The following OSBPL5 variants were observed in gnomAD, a reference collection of about 807,000 sequenced individuals.
OSBPL5 encodes oxysterol binding protein like 5.
OSBPL5 carries 71 observed loss-of-function variants against 111.2 expected under a neutral mutation model. The ratio of observed to expected loss-of-function variants is 0.64; its 90% confidence interval spans 0.53 to 0.78. The LOEUF (loss-of-function observed/expected upper bound fraction) is 0.78. Among genes scored for constraint, OSBPL5 ranks in the 30% least tolerant of loss-of-function variants. The pLI, the probability that OSBPL5 is intolerant of heterozygous loss-of-function variation, is 0.00. For missense variants in OSBPL5, 1,210 were observed against 1,189.3 expected, an observed-to-expected ratio of 1.02 and a Z score of -0.26; for synonymous variants, 549 against 513.9, an observed-to-expected ratio of 1.07 and a Z score of -0.93.
chr11:3,118,253 C>G (rs542389196), intron 7 of OSBPL5, among the ~76,000 whole-genome samples: 288 of 152,348 alleles, frequency 1.9e-3, no homozygotes, highest in South Asian at 3.9e-3. Flanking sequence ...ACCTGCCCCC[C>G]CATTCTATTC....
At chr11:3,152,539 C>T (rs952967684) in intron 1 of OSBPL5, among the ~76,000 whole-genome samples, 1 of 152,150 alleles carries the variant, frequency 6.6e-6, no homozygotes, top group Admixed American at 6.5e-5. Context: ...CACCAGGTCC[C>T]CTTCCAGGGA....
chr11:3,127,457 A>AG lies in OSBPL5; in HGVS notation c.137-903dup, dbSNP rs555915653. Among the ~76,000 whole-genome samples the AG allele has an allele frequency of 2.6e-5, 4 of 152,234 alleles. No homozygotes were observed. The South Asian group carries it at 8.3e-4, about 32-fold the overall frequency. On this transcript the variant is annotated intron_variant, in intron 2 of 21. Transcript: ENST00000263650. ...GATGGGGACGAAGAACGGAAAAGCC[A>AG]GGACGGTGGCCTGAGGAAGTGGTTC...
At chr11:3,135,060 C>G (rs1023016300) in intron 1 of OSBPL5, among the ~76,000 whole-genome samples, 1 of 152,238 alleles carries the variant, frequency 6.6e-6, no homozygotes, top group Non-Finnish European at 1.5e-5. Context: ...CCTTCTTCCT[C>G]GGAGACCCAG....
chr11:3,106,710 G>T lies in OSBPL5; in HGVS notation c.1059+553C>A, dbSNP rs956626852. On this transcript the variant is annotated intron_variant, in intron 9 of 21. Transcript: ENST00000263650. This position sits in a 1 kb window ranked among gnomAD's most constrained non-coding sequence, Gnocchi z 8.4. The stretch of plus-strand genomic sequence containing the variant: ...CGTCTTCAGAAAGAGCCCATGGCCC[G>T]GTTTGCCTCCCTCACCTGCTCCCCA... Among the ~76,000 whole-genome samples, 3 of 152,156 alleles carry T rather than the reference G, an allele frequency of 2.0e-5. No homozygotes were observed. Among genetic ancestry groups the T allele is most frequent in the Admixed American group, 6.5e-5 (1 of 15,284 alleles).
chr11:3,093,871 G>C (rs200672096), intron 15 of OSBPL5, 36 bp from the exon 16 acceptor site: 10 of 1,586,584 alleles, frequency 6.3e-6, no homozygotes, highest in East Asian at 2.3e-5. Context: ...CCCAGTGAGC[G>C]GGGGCTGGGG....
chr11:3,112,013 G>A (rs1442307355), intron 7 of OSBPL5, among the ~76,000 whole-genome samples: 11 of 100,792 alleles, frequency 1.1e-4, no homozygotes, highest in East Asian at 2.7e-4. Context: ...GTGTGTGCGC[G>A]CATGTGTGTG....
intron 14 of OSBPL5, among the ~76,000 whole-genome samples, chr11:3,096,202 T>C (rs2134393172): frequency 6.6e-6 from 1 of 152,260 alleles, no homozygotes; most frequent in East Asian, 1.9e-4. Flanking sequence ...CTGTCACGTG[T>C]GTGGGGGATC....
Position 3,107,640 on chromosome 11 carries a change from G to A in OSBPL5, c.866+131C>T. The A allele has an allele frequency of 7.2e-7, 1 of 1,390,642 alleles. No individual in the cohort carries two copies. The highest frequency in any genetic ancestry group is 9.9e-7 in the Non-Finnish European group (1 of 1,012,774). 86.1% of individuals were successfully genotyped at this position (1,390,642 alleles called of 1,614,324 possible). Reference sequence around the variant, plus strand: ...GGAACCGAGGCTCCCAGGGCACACTGCAGCGAACAAGTCCCTGCGTGCAGC... The same window carrying A: ...GGAACCGAGGCTCCCAGGGCACACTACAGCGAACAAGTCCCTGCGTGCAGC... On this transcript the variant is annotated intron_variant, in intron 8 of 21. Coordinates refer to ENST00000263650, the MANE Select transcript of OSBPL5 (RefSeq NM_020896.4). The surrounding 1 kb of genome is among the most constrained non-coding windows in gnomAD (Gnocchi z 6.1).
At position 3,088,330 on chromosome 11, in the gene OSBPL5, T is replaced by G. The variant is rs376075340; in HGVS notation, c.2515A>C (p.Met839Leu). The G allele has an allele frequency of 2.5e-6, 4 of 1,584,000 alleles. No individual in the cohort carries two copies. The South Asian group carries it at 4.6e-5, about 18-fold the overall frequency. ...GCTGCCCGTGCCGTGGAGCTCAGCA[T>G]GGCCGAGAGGTGCCTGCAAGGACAG... ...QQELHRHLSA[M>L]LSSTARAAQA... The change falls in exon 22 of 22, where the codon ATG becomes CTG. Residue 839 changes from methionine to leucine, a missense_variant. Physicochemically the swap from Met to Leu is conservative, Grantham distance 15. Transcript: ENST00000263650.
At chr11:3,147,775 C>G (rs1276533934) in intron 1 of OSBPL5, among the ~76,000 whole-genome samples, 1 of 152,192 alleles carries the variant, frequency 6.6e-6, no homozygotes, top group Non-Finnish European at 1.5e-5. Flanking sequence ...TGGCCCTAGA[C>G]AGGGCACAGG....
intron 1 of OSBPL5, among the ~76,000 whole-genome samples, chr11:3,160,269 C>A (rs553739740): frequency 9.2e-5 from 14 of 152,308 alleles, no homozygotes; most frequent in South Asian, 2.1e-4. Flanking sequence ...AAAGTGCTCC[C>A]CTCCCGCCCA....
intron 1 of OSBPL5, among the ~76,000 whole-genome samples, chr11:3,152,283 G>A (rs940109451): frequency 1.3e-5 from 2 of 152,192 alleles, no homozygotes; most frequent in Non-Finnish European, 2.9e-5. Context: ...CACAGGTGAC[G>A]TTGATTTTTT....
At chr11:3,088,571 A>G (rs1856953428) in intron 21 of OSBPL5, among the ~76,000 whole-genome samples, 1 of 152,132 alleles carries the variant, frequency 6.6e-6, no homozygotes, top group African/African-American at 2.4e-5. Flanking sequence ...CATTCAGGGC[A>G]GAGGAGGGTC....
rs573939820 is a variant in OSBPL5 at position 3,119,737 on chromosome 11, C to T, written c.607-106G>A. ...ATCCACACCTGGGACCACCTGGACA[C>T]CCCCAGGGCCACAGGGCCACCAGGT... On this transcript the variant is annotated intron_variant, in intron 6 of 21. Coordinates refer to ENST00000263650, the MANE Select transcript of OSBPL5 (RefSeq NM_020896.4). 6.3e-5 allele frequency: 69 copies of T among 1,099,148 alleles called. No homozygotes were observed. The Admixed American group carries it at 6.9e-4, about 11-fold the overall frequency. The allele number at this position is 1,099,148 out of a possible 1,614,324, so 68.1% of individuals were successfully genotyped here.
At chr11:3,102,364 G>A in intron 11 of OSBPL5, 83 bp from the exon 12 acceptor site, 1 of 1,334,874 alleles carries the variant, frequency 7.5e-7, no homozygotes, top group Admixed American at 2.0e-5. Flanking sequence ...TGGACGGAGG[G>A]GCAGCGTGGG....
chr11:3,121,215 G>A lies in OSBPL5; in HGVS notation c.403-591C>T. On this transcript the variant is annotated intron_variant, in intron 5 of 21. Transcript: ENST00000263650. The surrounding 1 kb of genome is among the most constrained non-coding windows in gnomAD (Gnocchi z 4.3). ...TGGGATTACAGGCGCCCGCCACCAT[G>A]CCTGGCTAATTTCTGTATTTTTAGT... Among the ~76,000 whole-genome samples, 1 of 151,982 alleles carries A rather than the reference G, an allele frequency of 6.6e-6. No individual in the cohort carries two copies. Among genetic ancestry groups the A allele is most frequent in the Non-Finnish European group, 1.5e-5 (1 of 68,000 alleles).
intron 1 of OSBPL5, chr11:3,160,876 G>A (rs1846946984): frequency 6.6e-6 from 1 of 152,208 alleles, no homozygotes; most frequent in African/African-American, 2.4e-5. Context: ...CCCAGCGTCT[G>A]GAGGCCCGTT....
chr11:3,108,037 A>C, intron 7 of OSBPL5, 92 bp from the exon 8 acceptor site: 1 of 1,482,440 alleles, frequency 6.7e-7, no homozygotes, highest in South Asian at 1.3e-5. Context: ...CCTCACTCTG[A>C]CTCTTCAGGG....
At position 3,107,012 on chromosome 11, in the gene OSBPL5, G is replaced by A. The variant is rs1330495403; in HGVS notation, c.1059+251C>T. On this transcript the variant is annotated intron_variant, in intron 9 of 21. Transcript: ENST00000263650. This position sits in a 1 kb window ranked among gnomAD's most constrained non-coding sequence, Gnocchi z 6.1. The stretch of plus-strand genomic sequence containing the variant: ...CCAAGGAGGGAGTTGCCTGTCTGCA[G>A]CAAACCCCTGCCCGATCCCCGCATC... Among the ~76,000 whole-genome samples, 1 of 152,158 alleles carries A rather than the reference G, an allele frequency of 6.6e-6. No individual in the cohort carries two copies. Among genetic ancestry groups the A allele is most frequent in the Non-Finnish European group, 1.5e-5 (1 of 68,016 alleles).
Sources: allele counts gnomAD v4.1 joint callset (sites outside exome capture counted in the v4.1 genomes callset), GRCh38; gene constraint gnomAD v4.1.1; non-coding constraint Gnocchi (gnomAD v3.1); transcripts MANE v1.5; gene names NCBI Gene and HGNC (gene_info 2026-07-23, HGNC 2026-07-21).